The following GABRB1 variants were observed in gnomAD, a reference collection of about 807,000 sequenced individuals.
GABRB1 encodes the protein gamma-aminobutyric acid receptor subunit beta-1.
A neutral mutation model predicts 51.6 loss-of-function variants in GABRB1; 17 were observed. The observed-to-expected ratio is 0.33, with a 90% CI of 0.23 to 0.49. The LOEUF is 0.49. Among genes scored for constraint, GABRB1 ranks in the 20% least tolerant of loss-of-function variants. The probability of loss-of-function intolerance (pLI) is 0.99; values close to 1 mark genes in which losing one functional copy is unlikely to be tolerated. For synonymous variants in GABRB1, 247 were observed against 218.9 expected (o/e 1.13, Z -1.14); for missense variants, 410 against 600.6 (o/e 0.68, Z 3.32).
At chr4:47,108,224 T>G (rs2109621261) in intron 3 of GABRB1, among the ~76,000 whole-genome samples, 1 of 152,176 alleles carries the variant, frequency 6.6e-6, no homozygotes, top group South Asian at 2.1e-4. Flanking sequence ...GCCATGGAAT[T>G]TTTAAAAGAA....
At chr4:47,368,012 C>G (rs1268828066) in intron 5 of GABRB1, among the ~76,000 whole-genome samples, 1 of 152,190 alleles carries the variant, frequency 6.6e-6, no homozygotes, top group African/African-American at 2.4e-5. Flanking sequence ...CTTTCCATAA[C>G]TAGAACCCTA....
chr4:47,372,024 C>T (rs1360051605), intron 5 of GABRB1, among the ~76,000 whole-genome samples: 2 of 152,106 alleles, frequency 1.3e-5, no homozygotes, highest in Non-Finnish European at 2.9e-5. Context: ...TGCTTATGTC[C>T]TGAATGGTAT....
At chr4:47,026,180 C>G (rs185905252) in intron 1 of GABRB1, among the ~76,000 whole-genome samples, 361 of 151,986 alleles carry the variant, frequency 2.4e-3, no homozygotes, top group African/African-American at 6.9e-3. Flanking sequence ...ATAAAAAGTC[C>G]TTTTCACGTT....
At chr4:47,362,875 T>A (rs542578931) in intron 5 of GABRB1, among the ~76,000 whole-genome samples, 1 of 152,288 alleles carries the variant, frequency 6.6e-6, no homozygotes, top group East Asian at 1.9e-4. Flanking sequence ...AACCTCAAGA[T>A]GCTCATCAAA....
intron 3 of GABRB1, among the ~76,000 whole-genome samples, chr4:47,160,619 T>C (rs1477648493): frequency 6.6e-6 from 1 of 152,102 alleles, no homozygotes; most frequent in Admixed American, 6.6e-5. Context: ...TAGATTCCTC[T>C]GTACAATTTC....
At chr4:47,274,302 T>G (rs1722989534) in intron 4 of GABRB1, among the ~76,000 whole-genome samples, 1 of 152,150 alleles carries the variant, frequency 6.6e-6, no homozygotes, top group Non-Finnish European at 1.5e-5. Flanking sequence ...CTGGCACACA[T>G]TTAAAAAGAC....
chr4:47,424,080 A>G lies in GABRB1; in HGVS notation c.1081-1594A>G, dbSNP rs984593799. ...GGGAAACAATGATAGGTAAAAAAGGAGAGAGAGATGACAGAAACCAGAGTC... is the reference window on the plus strand; with the variant it reads ...GGGAAACAATGATAGGTAAAAAAGGGGAGAGAGATGACAGAAACCAGAGTC... On this transcript the variant is annotated intron_variant, in intron 8 of 8. Transcript: ENST00000295454. Among the ~76,000 whole-genome samples, 10 of 152,198 alleles carry G rather than the reference A, an allele frequency of 6.6e-5. 1 individual carries two copies. Among genetic ancestry groups the G allele is most frequent in the Admixed American group, 5.9e-4 (9 of 15,262 alleles).
chr4:46,994,926 C>T (rs1190618456), intron 1 of GABRB1, among the ~76,000 whole-genome samples: 1 of 152,120 alleles, frequency 6.6e-6, no homozygotes, highest in Non-Finnish European at 1.5e-5. Context: ...TTTTAAACGT[C>T]TGGATTCAAG....
intron 3 of GABRB1, among the ~76,000 whole-genome samples, chr4:47,077,697 A>G (rs1727616495): frequency 6.6e-6 from 1 of 151,472 alleles, no homozygotes; most frequent in Admixed American, 6.6e-5. Flanking sequence ...TAGGGAAACC[A>G]TATGAGATAC....
chr4:47,115,040 C>G (rs1431901503), intron 3 of GABRB1, among the ~76,000 whole-genome samples: 5 of 152,178 alleles, frequency 3.3e-5, no homozygotes, highest in African/African-American at 1.2e-4. Context: ...TTCCCGTTCT[C>G]TGATACTGTT....
At chr4:47,361,945 T>C (rs1726823230) in intron 5 of GABRB1, among the ~76,000 whole-genome samples, 1 of 152,074 alleles carries the variant, frequency 6.6e-6, no homozygotes, top group African/African-American at 2.4e-5. Flanking sequence ...TTGGAAGTTA[T>C]CAAGGCAGAG....
intron 1 of GABRB1, among the ~76,000 whole-genome samples, chr4:47,001,680 T>C (rs1724223847): frequency 6.6e-6 from 1 of 152,212 alleles, no homozygotes; most frequent in South Asian, 2.1e-4. Context: ...CAGACTTCCC[T>C]GCAGATTTTG....
At chr4:47,012,621 G>A (rs187798205) in intron 1 of GABRB1, among the ~76,000 whole-genome samples, 3 of 152,314 alleles carry the variant, frequency 2.0e-5, no homozygotes, top group Admixed American at 2.0e-4. Context: ...ATAATGAAAA[G>A]TTTATTTCTT....
chr4:47,352,935 T>G lies in GABRB1; in HGVS notation c.544+32726T>G, dbSNP rs185963022. On this transcript the variant is annotated intron_variant, in intron 5 of 8. Coordinates refer to ENST00000295454, the MANE Select transcript of GABRB1 (RefSeq NM_000812.4). Reference sequence around the variant, plus strand: ...ATGTATTAGTCTGTTTTCATGCTGCTGATAAAGACATACCCAAGACTGGGA... The same window carrying G: ...ATGTATTAGTCTGTTTTCATGCTGCGGATAAAGACATACCCAAGACTGGGA... 4.0e-4 allele frequency among the ~76,000 whole-genome samples: 61 copies of G among 152,330 alleles called. 1 individual carries two copies. In the East Asian group the frequency reaches 0.011, roughly 28 times the overall value.
intron 4 of GABRB1, among the ~76,000 whole-genome samples, chr4:47,291,123 C>G (rs1216296020): frequency 6.6e-6 from 1 of 152,140 alleles, no homozygotes; most frequent in African/African-American, 2.4e-5. Flanking sequence ...GGCCCAGGGT[C>G]CCCCACTGTG....
At chr4:47,050,473 T>C (rs913933999) in intron 3 of GABRB1, among the ~76,000 whole-genome samples, 2 of 152,120 alleles carry the variant, frequency 1.3e-5, no homozygotes, top group Non-Finnish European at 2.9e-5. Context: ...AGCTGCTTGT[T>C]AGAAGTTCCC....
intron 4 of GABRB1, among the ~76,000 whole-genome samples, chr4:47,207,218 C>T (rs1376966120): frequency 6.6e-6 from 1 of 151,954 alleles, no homozygotes; most frequent in East Asian, 1.9e-4. Flanking sequence ...CATAGTCAAT[C>T]CATTAACTTG....
chr4:47,117,257 T>C (rs1383993737), intron 3 of GABRB1, among the ~76,000 whole-genome samples: 1 of 152,220 alleles, frequency 6.6e-6, no homozygotes, highest in Non-Finnish European at 1.5e-5. Flanking sequence ...GATCAAGGCA[T>C]GCATGTTAGC....
At chr4:47,316,406 C>T (rs540178020) in intron 4 of GABRB1, among the ~76,000 whole-genome samples, 27 of 151,994 alleles carry the variant, frequency 1.8e-4, no homozygotes, top group East Asian at 1.4e-3. Flanking sequence ...CAGCATATGA[C>T]GGGATTTCAT....
Sources: gnomAD v4.1 joint callset for allele counts (sites outside exome capture counted in the v4.1 genomes callset) on GRCh38, gnomAD v4.1.1 for gene constraint, MANE v1.5 for transcripts, NCBI Gene and HGNC (gene_info 2026-07-23, HGNC 2026-07-21) for gene names.